Variants in EHHADH observed in about 807,000 individuals in gnomAD.
The protein encoded by EHHADH is enoyl-CoA hydratase and 3-hydroxyacyl CoA dehydrogenase.
In EHHADH, 48 loss-of-function variants were observed where a neutral mutation model predicts 64.4. The observed-to-expected ratio is 0.75, with a 90% CI of 0.59 to 0.95. EHHADH has a LOEUF of 0.95. Among genes scored for constraint, EHHADH ranks in the 40% least tolerant of loss-of-function variants. The probability of loss-of-function intolerance (pLI) is 0.00; values close to 1 mark genes in which losing one functional copy is unlikely to be tolerated. For missense variants in EHHADH, 854 were observed against 876.6 expected, an observed-to-expected ratio of 0.97 and a Z score of 0.33; for synonymous variants, 308 against 326.7, an observed-to-expected ratio of 0.94 and a Z score of 0.62.
chr3:185,217,249 G>C (rs1333030202), intron 5 of EHHADH, among the ~76,000 whole-genome samples: 2 of 152,024 alleles, frequency 1.3e-5, no homozygotes, highest in Non-Finnish European at 2.9e-5. Flanking sequence ...AGATCAGCTT[G>C]TTTAGAAGAG....
rs537718439 is a variant in EHHADH, at chr3:185,235,129, G to A, written c.351+161C>T. 9.2e-5 allele frequency among the ~76,000 whole-genome samples: 14 copies of A among 151,546 alleles called. No homozygotes were observed. In the East Asian group the frequency reaches 2.5e-3, roughly 27 times the overall value. ...CGGGAGGTGGAGGTTGCAGTGAGCC[G>A]AGATCACACCACTGCACTCCAGCCT... is the stretch of plus-strand genomic sequence containing the variant. On this transcript the variant is annotated intron_variant, in intron 3 of 6. Coordinates refer to ENST00000231887, the MANE Select transcript of EHHADH (RefSeq NM_001966.4).
At chr3:185,215,442 T>G (rs1054754283) in intron 5 of EHHADH, among the ~76,000 whole-genome samples, 3 of 152,072 alleles carry the variant, frequency 2.0e-5, no homozygotes, top group African/African-American at 7.2e-5. Flanking sequence ...CCATATGAGA[T>G]TCTAAAAAAA....
Position 185,235,351 on chromosome 3 carries a change from ATGCCTTGGATTGC to A in EHHADH, c.277_289del (p.Ala93TrpfsTer7). ...CAGCTCTAGTCCCCCTCCGAAAGCC[ATGCCTTGGATTGC>A]TGCCACCACGGGCTTCTCATTTCTC... On this transcript the variant is annotated frameshift_variant, in exon 3 of 7. Transcript: ENST00000231887. LOFTEE classifies it high-confidence loss of function. 6.2e-7 allele frequency: 1 copy of A among 1,613,998 alleles called. No individual in the cohort carries two copies. Among genetic ancestry groups the A allele is most frequent in the Non-Finnish European group, 8.5e-7 (1 of 1,179,970 alleles).
At chr3:185,194,448 ACT>A (rs1204054374) in intron 6 of EHHADH, among the ~76,000 whole-genome samples, 8 of 152,246 alleles carry the variant, frequency 5.3e-5, no homozygotes, top group African/African-American at 1.9e-4. Context: ...ACCCGTCTCT[ACT>A]AAAAATACAA....
intron 6 of EHHADH, among the ~76,000 whole-genome samples, chr3:185,202,953 T>C (rs1424890001): frequency 7.2e-6 from 1 of 139,496 alleles, no homozygotes; most frequent in Middle Eastern, 3.4e-3. Flanking sequence ...CTCATAATGA[T>C]ACAGGGTAGA....
chr3:185,209,577 A>C (rs1409202369), intron 5 of EHHADH, among the ~76,000 whole-genome samples: 2 of 152,240 alleles, frequency 1.3e-5, no homozygotes, highest in Non-Finnish European at 2.9e-5. Flanking sequence ...AAGACATATG[A>C]ACATAAGCGC....
At chr3:185,201,765 T>A (rs1718235241) in intron 6 of EHHADH, among the ~76,000 whole-genome samples, 1 of 152,192 alleles carries the variant, frequency 6.6e-6, no homozygotes, top group South Asian at 2.1e-4. Flanking sequence ...TTCAAACTTT[T>A]ACACATTATA....
intron 4 of EHHADH, among the ~76,000 whole-genome samples, chr3:185,219,924 G>T (rs1718790781): frequency 6.6e-6 from 1 of 152,096 alleles, no homozygotes; most frequent in East Asian, 1.9e-4. Context: ...CAGTTTTCTG[G>T]AAGTATCTCT....
intron 2 of EHHADH, chr3:185,247,945 T>G (rs539757833): frequency 6.5e-6 from 1 of 152,810 alleles, no homozygotes; most frequent in South Asian, 2.1e-4. Flanking sequence ...AGACTCTGTG[T>G]GAATTAAACA....
intron 2 of EHHADH, among the ~76,000 whole-genome samples, chr3:185,247,107 T>G (rs1719616052): frequency 6.6e-6 from 1 of 152,224 alleles, no homozygotes; most frequent in Non-Finnish European, 1.5e-5. Flanking sequence ...GAAATTTATT[T>G]AGATAAGATT....
chr3:185,192,117 T>C lies in EHHADH; in HGVS notation c.*109A>G. On this transcript the variant is annotated 3_prime_UTR_variant, in exon 7 of 7. Coordinates refer to ENST00000231887, the MANE Select transcript of EHHADH (RefSeq NM_001966.4). ...CAGAAGATTCTAATGATTATTTATT[T>C]TGCTTTGTATTTCAGAACAATCTTA... 1 of 1,265,542 alleles carries C rather than the reference T, an allele frequency of 7.9e-7. No individual in the cohort carries two copies. Among genetic ancestry groups the C allele is most frequent in the Non-Finnish European group, 1.1e-6 (1 of 909,014 alleles). The allele number at this position is 1,265,542 out of a possible 1,614,324, so 78.4% of individuals were successfully genotyped here.
intron 6 of EHHADH, among the ~76,000 whole-genome samples, chr3:185,195,733 A>G (rs1251702645): frequency 6.6e-6 from 1 of 152,220 alleles, no homozygotes; most frequent in African/African-American, 2.4e-5. Flanking sequence ...CACTGGGTAC[A>G]CATGGCCCCA....
In EHHADH at chr3:185,193,399, T is replaced by C. The variant is rs1259938929; in HGVS notation, c.999A>G (p.Leu333=). The change falls in exon 7 of 7, where the codon CTA becomes CTG. Residue 333 remains leucine (L), a synonymous_variant. Coordinates refer to ENST00000231887, the MANE Select transcript of EHHADH (RefSeq NM_001966.4). ...VIAVDSDKNQ[L]ATANKMITSV... ...AGGTTATCATCTTGTTTGCAGTTGC[T>C]AGCTGGTTTTTGTCCGAGTCTACAG... 2.5e-6 allele frequency: 4 copies of C among 1,614,222 alleles called. No individual in the cohort carries two copies. Among genetic ancestry groups the C allele is most frequent in the Middle Eastern group, 1.6e-4 (1 of 6,062 alleles).
At chr3:185,224,501 C>CAAAAAA (rs757023353) in intron 4 of EHHADH, among the ~76,000 whole-genome samples, 3 of 51,594 alleles carry the variant, frequency 5.8e-5, no homozygotes, top group African/African-American at 1.3e-4. Context: ...ACCCTGTCAC[C>CAAAAAA]AAAAAAAAAA....
chr3:185,246,921 G>T (rs193043861), intron 2 of EHHADH, among the ~76,000 whole-genome samples: 310 of 151,938 alleles, frequency 2.0e-3, no homozygotes, highest in African/African-American at 7.4e-3. Context: ...CATCCCTCAA[G>T]TTTTATATTA....
chr3:185,210,777 C>T (rs1380800474), intron 5 of EHHADH, among the ~76,000 whole-genome samples: 2 of 152,000 alleles, frequency 1.3e-5, no homozygotes, highest in Non-Finnish European at 2.9e-5. Flanking sequence ...AGGACAGCTG[C>T]AGTTCCTGGC....
At chr3:185,212,553 CT>C (rs773217171) in intron 5 of EHHADH, among the ~76,000 whole-genome samples, 4 of 152,152 alleles carry the variant, frequency 2.6e-5, no homozygotes, top group African/African-American at 4.8e-5. Flanking sequence ...TGTTCTTCAT[CT>C]TCTTCTTTCG....
intron 5 of EHHADH, among the ~76,000 whole-genome samples, chr3:185,211,775 G>A (rs1305684767): frequency 6.6e-6 from 1 of 152,204 alleles, no homozygotes; most frequent in Non-Finnish European, 1.5e-5. Flanking sequence ...TCATATAAAT[G>A]TTCACAGCGG....
intron 4 of EHHADH, among the ~76,000 whole-genome samples, chr3:185,224,508 A>C (rs1275873459): frequency 6.6e-6 from 1 of 151,154 alleles, no homozygotes; most frequent in Non-Finnish European, 1.5e-5. Context: ...CACCAAAAAA[A>C]AAAAAAAAAA....
Sources: allele counts gnomAD v4.1 joint callset (sites outside exome capture counted in the v4.1 genomes callset), GRCh38; gene constraint gnomAD v4.1.1; transcripts MANE v1.5; gene names NCBI Gene and HGNC (gene_info 2026-07-23, HGNC 2026-07-21).